Variants in RAB3GAP2 observed in about 807,000 individuals in gnomAD.
The protein encoded by RAB3GAP2 is RAB3 GTPase activating non-catalytic protein subunit 2.
A neutral mutation model predicts 185.3 loss-of-function variants in RAB3GAP2; 87 were observed. That is an observed-to-expected ratio of 0.47 (90% CI 0.39 to 0.56). The LOEUF is 0.56. Ranked by LOEUF, RAB3GAP2 falls within the 20% of genes least tolerant of loss-of-function variation. RAB3GAP2 has a pLI of 0.00. For missense variants in RAB3GAP2, 1,492 were observed against 1,638.2 expected (o/e 0.91, Z 1.54); for synonymous variants, 554 against 576.1 (o/e 0.96, Z 0.55).
At chr1:220,236,367 G>C (rs1414262503) in intron 1 of RAB3GAP2, among the ~76,000 whole-genome samples, 1 of 151,972 alleles carries the variant, frequency 6.6e-6, no homozygotes. Context: ...AGTAGAGACG[G>C]GGGTTTCACC....
At position 220,158,091 on chromosome 1, in the gene RAB3GAP2, T is replaced by G. The variant is rs1264711864; in HGVS notation, c.3262-215A>C. Among the ~76,000 whole-genome samples, 1 of 152,212 alleles carries G rather than the reference T, an allele frequency of 6.6e-6. No homozygotes were observed. The highest frequency in any genetic ancestry group is 1.5e-5 in the Non-Finnish European group (1 of 68,032). On this transcript the variant is annotated intron_variant, in intron 29 of 34. Coordinates refer to ENST00000358951, the MANE Select transcript of RAB3GAP2 (RefSeq NM_012414.4). The surrounding 1 kb of genome is among the most constrained non-coding windows in gnomAD (Gnocchi z 4.3). The stretch of plus-strand genomic sequence containing the variant: ...TAAAGTCAAGCTTTACAAAGTGGTA[T>G]AAATATTGACTTTTAAAAAGTAGTG...
intron 10 of RAB3GAP2, 104 bp from the exon 11 acceptor site, chr1:220,195,481 G>C: frequency 9.5e-7 from 1 of 1,054,692 alleles, no homozygotes; most frequent in Non-Finnish European, 1.5e-6. Flanking sequence ...AGTTGTAAAG[G>C]CTGGACTAGC....
rs187737223 is a variant in RAB3GAP2, at chr1:220,229,333, T to C, written c.180+3466A>G. On this transcript the variant is annotated intron_variant, in intron 2 of 34. Transcript: ENST00000358951. ...ATTCCACAGAGCAGCCAAGGTGAGC[T>C]TGAAAAACCAGAAATCAGATAATGT... 2.9e-3 allele frequency among the ~76,000 whole-genome samples: 445 copies of C among 152,314 alleles called. 8 individuals carry two copies. Among genetic ancestry groups the C allele is most frequent in the Admixed American group, 0.023 (349 of 15,304 alleles).
chr1:220,243,554 C>T (rs573727485), intron 1 of RAB3GAP2, among the ~76,000 whole-genome samples: 8 of 152,242 alleles, frequency 5.3e-5, no homozygotes, highest in African/African-American at 1.2e-4. Flanking sequence ...TTCGGACCCA[C>T]GCAGGCTAGC....
chr1:220,195,040 C>G, intron 12 of RAB3GAP2, 38 bp downstream of exon 12: 1 of 1,578,948 alleles, frequency 6.3e-7, no homozygotes, highest in Admixed American at 1.7e-5. Context: ...CAGTACCTTT[C>G]TAAAAGGACT....
chr1:220,227,415 C>T (rs1036987474), intron 2 of RAB3GAP2, among the ~76,000 whole-genome samples: 1 of 152,176 alleles, frequency 6.6e-6, no homozygotes, highest in African/African-American at 2.4e-5. Context: ...TCACTCTGAA[C>T]ATAAAAGTCA....
At position 220,245,360 on chromosome 1, in the gene RAB3GAP2, C is replaced by T. The variant is rs12071918; in HGVS notation, c.116-12497G>A. 9.0e-3 allele frequency among the ~76,000 whole-genome samples: 1,367 copies of T among 152,318 alleles called. 54 individuals carry two copies. The highest frequency in any genetic ancestry group is 0.071 in the Admixed American group (1,085 of 15,304). ...GCGAGGCATTGCCTCACTTGGGAAG[C>T]GCAAGGGGTCAGGGAGGTCCCTTTG... On this transcript the variant is annotated intron_variant, in intron 1 of 34. Transcript: ENST00000358951.
At chr1:220,163,773 A>ATATATATATATG (rs57117891) in intron 27 of RAB3GAP2, among the ~76,000 whole-genome samples, 1 of 145,014 alleles carries the variant, frequency 6.9e-6, no homozygotes, top group African/African-American at 2.5e-5. Context: ...ATATATATAT[A>ATATATATATATG]GGATGAAGGT....
intron 1 of RAB3GAP2, among the ~76,000 whole-genome samples, chr1:220,233,751 A>T (rs1365695924): frequency 6.6e-6 from 1 of 152,020 alleles, no homozygotes; most frequent in Non-Finnish European, 1.5e-5. Flanking sequence ...TCCAGGCTAG[A>T]GTACAATAGC....
In RAB3GAP2 at chr1:220,190,299, A is replaced by G. The variant is rs1263518571; in HGVS notation, c.1631+78T>C. 9 of 1,592,516 alleles carry G rather than the reference A, an allele frequency of 5.7e-6. No homozygotes were observed. In the East Asian group the frequency reaches 2.0e-4, roughly 36 times the overall value. ...AAGGAAACAACAAAATAGCAACTACAAAAGAGAGTACAACAAACCTAGGAA... is the reference window on the plus strand; with the variant it reads ...AAGGAAACAACAAAATAGCAACTACGAAAGAGAGTACAACAAACCTAGGAA... On this transcript the variant is annotated intron_variant, in intron 15 of 34. Coordinates refer to ENST00000358951, the MANE Select transcript of RAB3GAP2 (RefSeq NM_012414.4).
At chr1:220,261,711 C>A (rs1249606974) in intron 1 of RAB3GAP2, among the ~76,000 whole-genome samples, 1 of 152,190 alleles carries the variant, frequency 6.6e-6, no homozygotes, top group East Asian at 1.9e-4. Context: ...ATTCTCTTTA[C>A]AGCTACCAAA....
intron 1 of RAB3GAP2, among the ~76,000 whole-genome samples, chr1:220,239,568 A>C (rs1342940379): frequency 1.3e-5 from 2 of 152,194 alleles, no homozygotes; most frequent in East Asian, 3.8e-4. Flanking sequence ...CAATATTAAT[A>C]ATTTTTTTCT....
chr1:220,162,379 T>C, intron 27 of RAB3GAP2, 111 bp from the exon 28 acceptor site: 2 of 713,526 alleles, frequency 2.8e-6, no homozygotes, highest in Non-Finnish European at 4.9e-6. Flanking sequence ...TTTGATTTCA[T>C]TTTTTATATC....
Position 220,157,295 on chromosome 1 carries a change from T to C in RAB3GAP2, c.3530A>G (p.Lys1177Arg). 6.2e-7 allele frequency: 1 copy of C among 1,613,982 alleles called. No individual in the cohort carries two copies. Among genetic ancestry groups the C allele is most frequent in the Non-Finnish European group, 8.5e-7 (1 of 1,179,982 alleles). Residue 1177 changes from lysine to arginine, a missense_variant, in exon 31 of 35, where the codon AAG (lysine) becomes AGG (arginine). Physicochemically the swap from Lys to Arg is conservative, Grantham distance 26. Around this residue, in one of 5 missense-constraint regions of RAB3GAP2, gnomAD observed 387 missense variants for 455.3 expected, o/e 0.85. Transcript: ENST00000358951. ...CTTACTGTCAAAAAGTGAAAGTGGC[T>C]TCACGGTCTTCAGAGAAAACCTCAT... Reference protein sequence around the residue: ...AVMRFSLKTVKPLSLFDSKGK... With the variant: ...AVMRFSLKTVRPLSLFDSKGK...
chr1:220,263,214 C>T (rs1010069984), intron 1 of RAB3GAP2, among the ~76,000 whole-genome samples: 1 of 152,040 alleles, frequency 6.6e-6, no homozygotes, highest in Non-Finnish European at 1.5e-5. Context: ...ATATCAGATA[C>T]ATGATTTGCA....
Position 220,193,393 on chromosome 1 carries a change from GAAAAT to G in RAB3GAP2, c.1131-19_1131-15del. On this transcript the variant is annotated splice_polypyrimidine_tract_variant and intron_variant, in intron 12 of 34. Transcript: ENST00000358951. ...GGAAGTCCAAATCTGATATTTAAAA[GAAAAT>G]AAAATGCTCAAATCACATTCCAGTT... 1 of 1,611,548 alleles carries G rather than the reference GAAAAT, an allele frequency of 6.2e-7. No homozygotes were observed. Among genetic ancestry groups the G allele is most frequent in the Middle Eastern group, 1.7e-4 (1 of 5,994 alleles).
In RAB3GAP2 at chr1:220,170,912, T is replaced by G. The variant is rs779475556; in HGVS notation, c.2786A>C (p.Lys929Thr). ...AEPLPRLSVK[K>T]LLEGGKGGIA... ...CTTACCTTTTCCTCCTTCTAATAAC[T>G]TTTTAACAGAAAGCCTTGGAAGTGG... The change falls in exon 24 of 35, where the codon AAG becomes ACG. Residue 929 changes from lysine (K) to threonine (T), a missense_variant. Coordinates refer to ENST00000358951, the MANE Select transcript of RAB3GAP2 (RefSeq NM_012414.4). 1 of 1,613,966 alleles carries G rather than the reference T, an allele frequency of 6.2e-7. No individual in the cohort carries two copies.
Position 220,154,006 on chromosome 1 carries a change from C to T in RAB3GAP2, c.3607G>A (p.Gly1203Arg). The stretch of plus-strand genomic sequence containing the variant: ...GAAATAAAATTTGGATCCATTTCCC[C>T]ACTAGGTAATAACTGAATTGAAGTT... ...DLTSIQLLPS[G>R]EMDPNFISVR... The change falls in exon 32 of 35, where the codon GGG (glycine) becomes AGG (arginine). Residue 1203 changes from glycine (G) to arginine (R), a missense_variant. Gly to Arg is a moderately radical substitution (Grantham distance 125, BLOSUM62 -2). Around this residue, in one of 5 missense-constraint regions of RAB3GAP2, gnomAD observed 387 missense variants for 455.3 expected, o/e 0.85. Coordinates refer to ENST00000358951, the MANE Select transcript of RAB3GAP2 (RefSeq NM_012414.4). 1.2e-6 allele frequency: 2 copies of T among 1,613,588 alleles called. No individual in the cohort carries two copies. The highest frequency in any genetic ancestry group is 1.1e-5 in the South Asian group (1 of 91,060).
intron 21 of RAB3GAP2, among the ~76,000 whole-genome samples, chr1:220,175,639 T>C (rs1430036771): frequency 6.6e-6 from 1 of 152,250 alleles, no homozygotes; most frequent in Non-Finnish European, 1.5e-5. Flanking sequence ...TTATTTTATA[T>C]TAAGGCAGCC....
Sources: allele counts gnomAD v4.1 joint callset (sites outside exome capture counted in the v4.1 genomes callset), GRCh38; gene constraint gnomAD v4.1.1; regional missense constraint gnomAD v4.1.1; non-coding constraint Gnocchi (gnomAD v3.1); transcripts MANE v1.5; gene names NCBI Gene and HGNC (gene_info 2026-07-23, HGNC 2026-07-21).